Variants in CELSR1 observed in about 807,000 individuals in gnomAD.
The protein encoded by CELSR1 is adhesion G protein-coupled receptor C1.
A neutral mutation model predicts 249.1 loss-of-function variants in CELSR1; 110 were observed. That is an observed-to-expected ratio of 0.44 (90% CI 0.38 to 0.52). The LOEUF is 0.52. CELSR1 is among the 20% of genes least tolerant of loss of function. CELSR1 has a pLI of 0.00. For synonymous variants in CELSR1, 2,113 were observed against 1,900.0 expected, an observed-to-expected ratio of 1.11 and a Z score of -2.92; for missense variants, 4,109 against 4,296.4, an observed-to-expected ratio of 0.96 and a Z score of 1.22.
intron 5 of CELSR1, among the ~76,000 whole-genome samples, chr22:46,432,002 G>A (rs919571987): frequency 2.0e-5 from 3 of 152,066 alleles, no homozygotes; most frequent in Non-Finnish European, 4.4e-5. Flanking sequence ...CCCAAACCCC[G>A]AGCAAGCACT....
rs1303469837 is a variant in CELSR1, at chr22:46,488,393, C to A, written c.3545-24048G>T. On this transcript the variant is annotated intron_variant, in intron 1 of 34. Transcript: ENST00000674500. The surrounding 1 kb of genome is among the most constrained non-coding windows in gnomAD (Gnocchi z 4.7). The stretch of plus-strand genomic sequence containing the variant: ...CTAAGCCCGCAGCTTCCCTGCTCGC[C>A]TACAGCCGGCGAGTGCAGCACAGGA... Among the ~76,000 whole-genome samples, 3 of 152,136 alleles carry A rather than the reference C, an allele frequency of 2.0e-5. No individual in the cohort carries two copies. The highest frequency in any genetic ancestry group is 2.0e-4 in the Admixed American group (3 of 15,286).
At chr22:46,513,125 T>C (rs148124993) in intron 1 of CELSR1, among the ~76,000 whole-genome samples, 231 of 152,172 alleles carry the variant, frequency 1.5e-3, no homozygotes, top group African/African-American at 5.3e-3. Context: ...CACGGGCGCC[T>C]CTCAAAATCA....
At chr22:46,435,927 G>C (rs185463365) in intron 4 of CELSR1, among the ~76,000 whole-genome samples, 5 of 151,980 alleles carry the variant, frequency 3.3e-5, no homozygotes, top group Non-Finnish European at 5.9e-5. Context: ...TCTCGATCTC[G>C]TGACCTTGTG....
At position 46,391,606 on chromosome 22, in the gene CELSR1, T is replaced by C; in HGVS notation, c.6148+27A>G. On this transcript the variant is annotated intron_variant, in intron 15 of 34. Transcript: ENST00000674500. This position sits in a 1 kb window ranked among gnomAD's most constrained non-coding sequence, Gnocchi z 4.3. ...AGCAGCCTGTCCCCGCGCTGTAACC[T>C]GCAGGGTGTCGAGGGGCAACGCGGA... The C allele has an allele frequency of 6.4e-7, 1 of 1,564,706 alleles. No individual in the cohort carries two copies. Among genetic ancestry groups the C allele is most frequent in the African/African-American group, 1.4e-5 (1 of 73,788 alleles).
chr22:46,410,625 C>A lies in CELSR1; in HGVS notation c.4770-64G>T, dbSNP rs1323370585. 7.0e-6 allele frequency: 11 copies of A among 1,562,068 alleles called. No individual in the cohort carries two copies. The East Asian group carries it at 9.1e-5, about 13-fold the overall frequency. On this transcript the variant is annotated intron_variant, in intron 6 of 34. Coordinates refer to ENST00000674500, the MANE Select transcript of CELSR1 (RefSeq NM_001378328.1). The surrounding 1 kb of genome is among the most constrained non-coding windows in gnomAD (Gnocchi z 6.8). ...GGAGAGGCGGCCACGGCGGGCTGGG[C>A]TCCGCAGTTGCCTCTGTGTAGCCTC...
chr22:46,455,339 C>T (rs1355815553), intron 2 of CELSR1, among the ~76,000 whole-genome samples: 1 of 152,202 alleles, frequency 6.6e-6, no homozygotes, highest in African/African-American at 2.4e-5. Context: ...AAGCGATTCT[C>T]CTGCCTCAGT....
Position 46,391,851 on chromosome 22 carries a change from A to AT in CELSR1, c.5965-36dup. On this transcript the variant is annotated intron_variant, in intron 14 of 34. Transcript: ENST00000674500. The surrounding 1 kb of genome is among the most constrained non-coding windows in gnomAD (Gnocchi z 4.3). ...CCAGAGGCAGGGCCTGTGACTTCAG[A>AT]TGCCCGGGAGAGGCCCTACCTTGCA... 6.3e-7 allele frequency: 1 copy of AT among 1,591,708 alleles called. No individual in the cohort carries two copies. Among genetic ancestry groups the AT allele is most frequent in the Non-Finnish European group, 8.5e-7 (1 of 1,171,916 alleles).
At chr22:46,419,236 A>AG (rs1169007909) in intron 5 of CELSR1, among the ~76,000 whole-genome samples, 1 of 152,182 alleles carries the variant, frequency 6.6e-6, no homozygotes, top group African/African-American at 2.4e-5. Context: ...ATTTGCTCAG[A>AG]GGGGGGTCTT....
chr22:46,436,110 C>T lies in CELSR1; in HGVS notation c.4522+64G>A, dbSNP rs890075475. The T allele has an allele frequency of 1.8e-5, 23 of 1,296,122 alleles. No homozygotes were observed. In the African/African-American group the frequency reaches 2.6e-4, roughly 15 times the overall value. 80.3% of individuals were successfully genotyped at this position (1,296,122 alleles called of 1,614,324 possible). A position where few individuals can be genotyped will look rare whatever the true frequency, so the allele number is the denominator to read the frequency against. ...TGGAGGCGCTGCACAGGGCGAGGGT[C>T]GTTTTAACCCACAAAGTATCTGTGA... On this transcript the variant is annotated intron_variant, in intron 4 of 34. Coordinates refer to ENST00000674500, the MANE Select transcript of CELSR1 (RefSeq NM_001378328.1). The surrounding 1 kb of genome is among the most constrained non-coding windows in gnomAD (Gnocchi z 5.9).
In CELSR1 at chr22:46,391,130, C is replaced by G; in HGVS notation, c.6250+56G>C. The stretch of plus-strand genomic sequence containing the variant: ...CCATGAGTCCCCACATCTCGACTGG[C>G]TCCTCCCACAAGGACGCCTGCCTCA... On this transcript the variant is annotated intron_variant, in intron 16 of 34. Coordinates refer to ENST00000674500, the MANE Select transcript of CELSR1 (RefSeq NM_001378328.1). The surrounding 1 kb of genome is among the most constrained non-coding windows in gnomAD (Gnocchi z 4.3). 1 of 1,418,200 alleles carries G rather than the reference C, an allele frequency of 7.1e-7. No individual in the cohort carries two copies. The allele number at this position is 1,418,200 out of a possible 1,614,324, so 87.9% of individuals were successfully genotyped here.
At chr22:46,516,406 A>G (rs2080628446) in intron 1 of CELSR1, among the ~76,000 whole-genome samples, 1 of 152,022 alleles carries the variant, frequency 6.6e-6, no homozygotes, top group South Asian at 2.1e-4. Flanking sequence ...GAACTGAACA[A>G]TGAGAACACT....
In CELSR1 at chr22:46,463,953, C is replaced by T. The variant is rs763382137; in HGVS notation, c.3937G>A (p.Glu1313Lys). The change falls in exon 2 of 35, where the codon GAG (glutamate) becomes AAG (lysine). Residue 1313 changes from glutamate (E) to lysine (K), a missense_variant. By Grantham distance (56) the Glu-to-Lys change is moderately conservative. Coordinates refer to ENST00000674500, the MANE Select transcript of CELSR1 (RefSeq NM_001378328.1). ...ACGGACACGCACTTCATGTAGTTCT[C>T]GCAGGGCTCGCGCAGGCAGATGTTG... Reference protein sequence around the residue: ...DDNICLREPCENYMKCVSVLR... With the variant: ...DDNICLREPCKNYMKCVSVLR... 30 of 1,613,884 alleles carry T rather than the reference C, an allele frequency of 1.9e-5. No individual in the cohort carries two copies. The highest frequency in any genetic ancestry group is 1.4e-4 in the South Asian group (13 of 91,092).
At chr22:46,388,987 G>A (rs528207984) in intron 18 of CELSR1, among the ~76,000 whole-genome samples, 1 of 152,344 alleles carries the variant, frequency 6.6e-6, no homozygotes, top group African/African-American at 2.4e-5. Flanking sequence ...GAAGGGAGAG[G>A]GGCTGATGCA....
In CELSR1 at chr22:46,367,057, C is replaced by A; in HGVS notation, c.8141G>T (p.Gly2714Val). 4.3e-6 allele frequency: 7 copies of A among 1,611,504 alleles called. No homozygotes were observed. Among genetic ancestry groups the A allele is most frequent in the Non-Finnish European group, 5.9e-6 (7 of 1,179,712 alleles). ...LNQEVRKHLK[G>V]VLGGRKLHLE... ...GTGCAGCTTCCTCCCGCCGAGCACG[C>A]CCTTCAGGTGCTTCCGGACCTCCTG... Residue 2714 changes from glycine (G) to valine (V), a missense_variant, in exon 29 of 35, where the codon GGC (glycine) becomes GTC (valine). Physicochemically the swap from Gly to Val is moderately radical, Grantham distance 109 (BLOSUM62 -3). This residue lies in a region of CELSR1 where 1,805 missense variants were observed against 1,831.6 expected (regional missense o/e 0.99). Transcript: ENST00000674500.
At chr22:46,369,007 T>A in intron 27 of CELSR1, 172 bp downstream of exon 27, 47 of 474,610 alleles carry the variant, frequency 9.9e-5, no homozygotes, top group East Asian at 1.2e-4. Flanking sequence ...CCCCAGCCCC[T>A]GCAGGTGCAA....
At position 46,527,296 on chromosome 22, in the gene CELSR1, C is replaced by T. The variant is rs2080747743; in HGVS notation, c.3544+6331G>A. 6.6e-6 allele frequency among the ~76,000 whole-genome samples: 1 copy of T among 152,126 alleles called. No individual in the cohort carries two copies. Among genetic ancestry groups the T allele is most frequent in the Non-Finnish European group, 1.5e-5 (1 of 68,000 alleles). The stretch of plus-strand genomic sequence containing the variant: ...CCATGCTGGAGCAAGCATGATGTCC[C>T]CAGCTTCCCTCCCCTCCACTCTCAC... On this transcript the variant is annotated intron_variant, in intron 1 of 34. Transcript: ENST00000674500. This position sits in a 1 kb window ranked among gnomAD's most constrained non-coding sequence, Gnocchi z 5.5.
At chr22:46,392,343 C>T (rs549127499) in intron 14 of CELSR1, among the ~76,000 whole-genome samples, 2 of 152,176 alleles carry the variant, frequency 1.3e-5, no homozygotes, top group East Asian at 1.9e-4. Context: ...CCCTCAACCC[C>T]GCCCCGGAAA....
Position 46,445,794 on chromosome 22 carries a change from C to G in CELSR1, c.4184-6383G>C, listed in dbSNP as rs908612021. 6.6e-6 allele frequency among the ~76,000 whole-genome samples: 1 copy of G among 152,186 alleles called. No homozygotes were observed. The highest frequency in any genetic ancestry group is 1.5e-5 in the Non-Finnish European group (1 of 68,036). ...CCCGTCGATGCTTCGGAGGTGGAAG[C>G]GTCCAGGACTCCCCGGGTGCTGTTC... is the stretch of plus-strand genomic sequence containing the variant. On this transcript the variant is annotated intron_variant, in intron 2 of 34. Transcript: ENST00000674500. The surrounding 1 kb of genome is among the most constrained non-coding windows in gnomAD (Gnocchi z 4.4).
At position 46,445,720 on chromosome 22, in the gene CELSR1, T is replaced by C. The variant is rs892934077; in HGVS notation, c.4184-6309A>G. ...TTGCAATCGCGTACATTCTAGCCTC[T>C]GCAAACCCGGTGCCCCGAGAGCAGC... On this transcript the variant is annotated intron_variant, in intron 2 of 34. Coordinates refer to ENST00000674500, the MANE Select transcript of CELSR1 (RefSeq NM_001378328.1). This position sits in a 1 kb window ranked among gnomAD's most constrained non-coding sequence, Gnocchi z 4.4. Among the ~76,000 whole-genome samples, 2 of 152,186 alleles carry C rather than the reference T, an allele frequency of 1.3e-5. No individual in the cohort carries two copies. The highest frequency in any genetic ancestry group is 1.3e-4 in the Admixed American group (2 of 15,288).
Sources: allele counts gnomAD v4.1 joint callset (sites outside exome capture counted in the v4.1 genomes callset), GRCh38; gene constraint gnomAD v4.1.1; regional missense constraint gnomAD v4.1.1; non-coding constraint Gnocchi (gnomAD v3.1); transcripts MANE v1.5; gene names NCBI Gene and HGNC (gene_info 2026-07-23, HGNC 2026-07-21).